ME1: variants seen among roughly 807,000 people sequenced by gnomAD.
ME1 encodes the protein NADP-dependent malic enzyme.
ME1 carries 74 observed loss-of-function variants against 66.4 expected under a neutral mutation model. The observed-to-expected ratio is 1.11, with a 90% CI of 0.92 to 1.35. The LOEUF is 1.35. ME1 is among the 40% of genes most tolerant of loss of function. ME1 has a pLI of 0.00. For missense variants in ME1, 750 were observed against 694.1 expected (o/e 1.08, Z -0.90); for synonymous variants, 251 against 235.6 (o/e 1.07, Z -0.60).
At chr6:83,284,424 G>A in intron 6 of ME1, among the ~76,000 whole-genome samples, 1 of 151,880 alleles carries the variant, frequency 6.6e-6, no homozygotes, top group Non-Finnish European at 1.5e-5. Flanking sequence ...ACCAAAACCT[G>A]GCAAAGACAC....
At chr6:83,320,580 C>T (rs1277351313) in intron 5 of ME1, among the ~76,000 whole-genome samples, 3 of 152,170 alleles carry the variant, frequency 2.0e-5, no homozygotes. Flanking sequence ...TTCTGAGCAG[C>T]TGAAGTTGAA....
At chr6:83,400,009 A>G (rs1282755590) in intron 2 of ME1, among the ~76,000 whole-genome samples, 1 of 152,246 alleles carries the variant, frequency 6.6e-6, no homozygotes, top group Non-Finnish European at 1.5e-5. Flanking sequence ...TATTTGACAC[A>G]GGAGATATTC....
At chr6:83,231,700 T>C (rs536046013) in intron 9 of ME1, among the ~76,000 whole-genome samples, 93 of 152,216 alleles carry the variant, frequency 6.1e-4, no homozygotes, top group Non-Finnish European at 1.1e-3. Context: ...CTTCAGTTGG[T>C]ATGGAGATGA....
At chr6:83,357,945 A>ATATC (rs1768929039) in intron 3 of ME1, among the ~76,000 whole-genome samples, 2 of 68,306 alleles carry the variant, frequency 2.9e-5, no homozygotes, top group Admixed American at 2.1e-4. Flanking sequence ...CTATATATAT[A>ATATC]TATATATATA....
At chr6:83,392,769 G>A (rs1381002369) in intron 3 of ME1, 7 of 673,506 alleles carry the variant, frequency 1.0e-5, no homozygotes, top group African/African-American at 1.8e-5. Context: ...GAGCCAAAAC[G>A]GTCATCATCT....
rs117025349 is a variant in ME1 at position 83,231,391 on chromosome 6, C to A, written c.1027-2460G>T. 7.1e-3 allele frequency among the ~76,000 whole-genome samples: 1,077 copies of A among 152,030 alleles called. 9 individuals carry two copies. The highest frequency in any genetic ancestry group is 0.01 in the Non-Finnish European group (712 of 67,986). ...ATGACTTACAAGTGCTGAAAGAATG[C>A]TGAAAAAAGTCCAGGAATCACGAAA... On this transcript the variant is annotated intron_variant, in intron 9 of 13. Coordinates refer to ENST00000369705, the MANE Select transcript of ME1 (RefSeq NM_002395.6).
chr6:83,350,210 G>A (rs1768772006), intron 4 of ME1, among the ~76,000 whole-genome samples: 1 of 152,082 alleles, frequency 6.6e-6, no homozygotes, highest in Non-Finnish European at 1.5e-5. Flanking sequence ...TACCTACTAT[G>A]TGCCAGGCAC....
rs766848987 is a variant in ME1 at position 83,237,698 on chromosome 6, A to G, written c.1026+19T>C. 3 of 1,453,910 alleles carry G rather than the reference A, an allele frequency of 2.1e-6. No homozygotes were observed. Among genetic ancestry groups the G allele is most frequent in the African/African-American group, 2.8e-5 (2 of 70,834 alleles). 90.1% of individuals were successfully genotyped at this position (1,453,910 alleles called of 1,614,324 possible). On this transcript the variant is annotated intron_variant, in intron 9 of 13. Transcript: ENST00000369705. ...TGGCATAGTTATCTTTATTCTGGTT[A>G]AAAATGACAAATTCTTACCTTAACT...
chr6:83,211,979 T>A lies in ME1; in HGVS notation c.1664A>T (p.Asp555Val). The A allele has an allele frequency of 6.2e-7, 1 of 1,609,374 alleles. No individual in the cohort carries two copies. ...CACCTCTTCAGGCCAAGAATAACAA[T>A]CAGGTAGAATCTGGTCATAATCAGT... Reference protein sequence around the residue: ...YSTDYDQILPDCYSWPEEVQK... With the variant: ...YSTDYDQILPVCYSWPEEVQK... Residue 555 changes from aspartate to valine, a missense_variant, in exon 14 of 14, where the codon GAT (aspartate) becomes GTT (valine). Physicochemically the swap from Asp to Val is radical, Grantham distance 152. Coordinates refer to ENST00000369705, the MANE Select transcript of ME1 (RefSeq NM_002395.6).
In ME1 at chr6:83,329,676, G is replaced by T. The variant is rs1768367934; in HGVS notation, c.601-14263C>A. ...TCATTTATATTCCTTTTATATTACT[G>T]TTGTGCATTTTTTCATAAGTTTATT... On this transcript the variant is annotated intron_variant, in intron 5 of 13. Coordinates refer to ENST00000369705, the MANE Select transcript of ME1 (RefSeq NM_002395.6). Among the ~76,000 whole-genome samples, 3 of 152,084 alleles carry T rather than the reference G, an allele frequency of 2.0e-5. No homozygotes were observed. The South Asian group carries it at 6.2e-4, about 32-fold the overall frequency.
At chr6:83,344,558 G>T (rs560694148) in intron 5 of ME1, among the ~76,000 whole-genome samples, 40 of 151,970 alleles carry the variant, frequency 2.6e-4, no homozygotes, top group African/African-American at 8.4e-4. Context: ...ACTCTAGCCT[G>T]GGCAACAACA....
At chr6:83,353,919 A>G (rs1027038513) in intron 3 of ME1, among the ~76,000 whole-genome samples, 4 of 152,172 alleles carry the variant, frequency 2.6e-5, no homozygotes, top group Non-Finnish European at 5.9e-5. Flanking sequence ...ACTGTTTGAC[A>G]TTGTTGGTTT....
At chr6:83,296,986 A>G (rs1474806233) in intron 6 of ME1, among the ~76,000 whole-genome samples, 1 of 152,212 alleles carries the variant, frequency 6.6e-6, no homozygotes, top group African/African-American at 2.4e-5. Context: ...ATCATTATGA[A>G]TCAGTTGAAA....
At chr6:83,384,824 G>T (rs1448784427) in intron 3 of ME1, among the ~76,000 whole-genome samples, 1 of 151,782 alleles carries the variant, frequency 6.6e-6, no homozygotes, top group Non-Finnish European at 1.5e-5. Context: ...AAGGGATTCT[G>T]TTTCAATATT....
chr6:83,247,309 G>C (rs751511402), intron 7 of ME1, among the ~76,000 whole-genome samples: 15 of 151,758 alleles, frequency 9.9e-5, no homozygotes, highest in Admixed American at 4.6e-4. Flanking sequence ...TTTGTCTTCA[G>C]ATTATATAAT....
At chr6:83,380,940 G>A (rs544200164) in intron 3 of ME1, among the ~76,000 whole-genome samples, 211 of 152,142 alleles carry the variant, frequency 1.4e-3, no homozygotes, top group Non-Finnish European at 1.8e-3. Context: ...GATTAAGAAG[G>A]AAATAATTGA....
chr6:83,290,104 G>GT (rs1197175209), intron 6 of ME1, among the ~76,000 whole-genome samples: 8 of 151,678 alleles, frequency 5.3e-5, no homozygotes, highest in South Asian at 4.2e-4. Context: ...ATTTTTGAAG[G>GT]TTTTTTTTGT....
rs1051682306 is a variant in ME1 at position 83,357,902 on chromosome 6, C to CCTCT, written c.363-5767_363-5764dup. Among the ~76,000 whole-genome samples the CCTCT allele has an allele frequency of 9.9e-3, 312 of 31,416 alleles. 16 individuals carry two copies. Among genetic ancestry groups the CCTCT allele is most frequent in the African/African-American group, 0.022 (153 of 7,098 alleles). 20.6% of individuals were successfully genotyped at this position (31,416 alleles called of 152,430 possible). A position where few individuals can be genotyped will look rare whatever the true frequency, so the allele number is the denominator to read the frequency against. On this transcript the variant is annotated intron_variant, in intron 3 of 13. Coordinates refer to ENST00000369705, the MANE Select transcript of ME1 (RefSeq NM_002395.6). ...TGTTAGTTAATACTTAATAAACTCC[C>CCTCT]CTCTCTCTCTCTCTCTCTCTCTCTC...
chr6:83,414,118 A>AC (rs1161295177), intron 1 of ME1, among the ~76,000 whole-genome samples: 1 of 137,476 alleles, frequency 7.3e-6, no homozygotes, highest in Non-Finnish European at 1.6e-5. Context: ...CTTGAAAAAA[A>AC]AAAAAAAAAA....
Sources: allele counts gnomAD v4.1 joint callset (sites outside exome capture counted in the v4.1 genomes callset), GRCh38; gene constraint gnomAD v4.1.1; transcripts MANE v1.5; gene names NCBI Gene and HGNC (gene_info 2026-07-23, HGNC 2026-07-21).